MYO1E: variants seen among roughly 807,000 people sequenced by gnomAD.
MYO1E encodes unconventional myosin-Ie.
MYO1E carries 68 observed loss-of-function variants against 151.1 expected under a neutral mutation model. That is an observed-to-expected ratio of 0.45 (90% confidence interval 0.37 to 0.55). MYO1E has a LOEUF of 0.55. Among genes scored for constraint, MYO1E ranks in the 20% least tolerant of loss-of-function variants. The pLI is 0.00. For missense variants in MYO1E, 1,363 were observed against 1,389.3 expected (o/e 0.98, Z 0.30); for synonymous variants, 601 against 501.7 (o/e 1.20, Z -2.64).
intron 24 of MYO1E, among the ~76,000 whole-genome samples, chr15:59,158,779 G>T (rs902543305): frequency 1.3e-5 from 2 of 152,216 alleles, no homozygotes; most frequent in Non-Finnish European, 2.9e-5. Context: ...CATGAAGCCC[G>T]TTCTGGCACT....
intron 16 of MYO1E, among the ~76,000 whole-genome samples, chr15:59,200,744 C>T (rs1045401798): frequency 6.6e-6 from 1 of 152,154 alleles, no homozygotes; most frequent in Non-Finnish European, 1.5e-5. Context: ...TCAGGCACTG[C>T]GTTACATGCT....
intron 18 of MYO1E, among the ~76,000 whole-genome samples, chr15:59,186,908 C>T (rs2079701784): frequency 6.6e-6 from 1 of 152,130 alleles, no homozygotes; most frequent in Admixed American, 6.5e-5. Flanking sequence ...TATCCTTTTA[C>T]AAACAACACA....
At chr15:59,273,386 G>C (rs991644928) in intron 1 of MYO1E, among the ~76,000 whole-genome samples, 11 of 152,284 alleles carry the variant, frequency 7.2e-5, no homozygotes, top group Non-Finnish European at 1.2e-4. Context: ...ATGGAACAAA[G>C]TGACTCATGA....
intron 10 of MYO1E, among the ~76,000 whole-genome samples, chr15:59,215,784 A>G (rs1340884388): frequency 6.6e-5 from 10 of 152,308 alleles, no homozygotes; most frequent in African/African-American, 2.4e-4. Flanking sequence ...AAAAAAACTG[A>G]CAGGTGACAG....
At chr15:59,224,303 C>T (rs1467766519) in intron 8 of MYO1E, among the ~76,000 whole-genome samples, 1 of 152,172 alleles carries the variant, frequency 6.6e-6, no homozygotes, top group Non-Finnish European at 1.5e-5. Context: ...AGACTAAAGA[C>T]GTTCCAAAAT....
At chr15:59,160,233 T>C (rs1483292649) in intron 24 of MYO1E, among the ~76,000 whole-genome samples, 2 of 152,126 alleles carry the variant, frequency 1.3e-5, no homozygotes, top group African/African-American at 2.4e-5. Flanking sequence ...ATAGCATGTA[T>C]GATTATTCTA....
intron 1 of MYO1E, among the ~76,000 whole-genome samples, chr15:59,325,753 T>C (rs2080659661): frequency 6.6e-6 from 1 of 152,218 alleles, no homozygotes; most frequent in Non-Finnish European, 1.5e-5. Context: ...CTGTGCTTGG[T>C]GAGCACAGGA....
intron 15 of MYO1E, among the ~76,000 whole-genome samples, chr15:59,205,007 A>G (rs559946059): frequency 1.3e-5 from 2 of 152,354 alleles, no homozygotes; most frequent in South Asian, 4.1e-4. Context: ...GGGGGCATGA[A>G]GTGTTAGGGA....
intron 18 of MYO1E, 37 bp downstream of exon 18, chr15:59,188,081 C>A (rs764465792): frequency 2.1e-6 from 3 of 1,448,402 alleles, no homozygotes; most frequent in South Asian, 1.1e-5. Context: ...GCTCAATAAA[C>A]CTGTTTTAAA....
intron 24 of MYO1E, among the ~76,000 whole-genome samples, chr15:59,160,231 T>C (rs543036921): frequency 6.6e-6 from 1 of 152,278 alleles, no homozygotes; most frequent in African/African-American, 2.4e-5. Flanking sequence ...ACATAGCATG[T>C]ATGATTATTC....
chr15:59,151,442 A>ACCC (rs1253140347), intron 26 of MYO1E, among the ~76,000 whole-genome samples: 233 of 147,678 alleles, frequency 1.6e-3, no homozygotes, highest in African/African-American at 5.2e-3. Flanking sequence ...CAAACAAAAA[A>ACCC]CCCCCCCCAA....
intron 1 of MYO1E, among the ~76,000 whole-genome samples, chr15:59,296,577 C>A (rs1567006768): frequency 1.3e-5 from 2 of 152,164 alleles, no homozygotes; most frequent in Non-Finnish European, 2.9e-5. Context: ...TCGGGACGTG[C>A]TGGTAGGTGT....
chr15:59,321,111 A>C (rs2080623065), intron 1 of MYO1E, among the ~76,000 whole-genome samples: 1 of 152,252 alleles, frequency 6.6e-6, no homozygotes, highest in Non-Finnish European at 1.5e-5. Context: ...TATCATAGAA[A>C]TACAAATCAA....
chr15:59,362,057 G>C (rs555148960), intron 1 of MYO1E, among the ~76,000 whole-genome samples: 46 of 151,966 alleles, frequency 3.0e-4, no homozygotes, highest in African/African-American at 1.0e-3. Flanking sequence ...GGCTGGTCTC[G>C]AACTCCTGAC....
chr15:59,164,312 C>T (rs1344371450), intron 22 of MYO1E, among the ~76,000 whole-genome samples: 1 of 152,166 alleles, frequency 6.6e-6, no homozygotes, highest in Non-Finnish European at 1.5e-5. Flanking sequence ...CAAAGACAAC[C>T]CTTTGAAGAA....
intron 6 of MYO1E, among the ~76,000 whole-genome samples, chr15:59,227,799 C>A (rs1346165650): frequency 1.3e-5 from 2 of 152,198 alleles, no homozygotes; most frequent in Admixed American, 1.3e-4. Flanking sequence ...AGAGAGAGCA[C>A]CTATCATTCC....
intron 1 of MYO1E, among the ~76,000 whole-genome samples, chr15:59,324,702 G>T (rs1298493121): frequency 1.3e-5 from 2 of 150,238 alleles, no homozygotes; most frequent in African/African-American, 5.0e-5. Context: ...CAGAGCCTGA[G>T]AATTATTGGT....
chr15:59,286,693 T>C (rs2080389644), intron 1 of MYO1E, among the ~76,000 whole-genome samples: 1 of 152,208 alleles, frequency 6.6e-6, no homozygotes, highest in African/African-American at 2.4e-5. Context: ...GAACAACCAC[T>C]AGCCAACGCT....
chr15:59,177,436 A>G (rs2079631657), intron 19 of MYO1E, among the ~76,000 whole-genome samples: 1 of 152,180 alleles, frequency 6.6e-6, no homozygotes, highest in African/African-American at 2.4e-5. Context: ...GATCTGCCTG[A>G]AGTCAAATGC....
Sources: gnomAD v4.1 joint callset for allele counts (sites outside exome capture counted in the v4.1 genomes callset) on GRCh38, gnomAD v4.1.1 for gene constraint, MANE v1.5 for transcripts, NCBI Gene and HGNC (gene_info 2026-07-23, HGNC 2026-07-21) for gene names.